The following EEF1G variants were observed in gnomAD, a reference collection of about 807,000 sequenced individuals.
EEF1G encodes eukaryotic translation elongation factor 1 gamma.
In EEF1G, 14 loss-of-function variants were observed where a neutral mutation model predicts 58.3. That is an observed-to-expected ratio of 0.24 (90% CI 0.16 to 0.38). EEF1G has a LOEUF of 0.38. EEF1G is among the 10% of genes least tolerant of loss of function. EEF1G has a pLI of 1.00. For synonymous variants in EEF1G, 180 were observed against 206.8 expected, an observed-to-expected ratio of 0.87 and a Z score of 1.11; for missense variants, 322 against 550.1, an observed-to-expected ratio of 0.59 and a Z score of 4.15.
At chr11:62,560,774 C>A (rs1430429512) in intron 7 of EEF1G, among the ~76,000 whole-genome samples, 1 of 152,132 alleles carries the variant, frequency 6.6e-6, no homozygotes, top group Non-Finnish European at 1.5e-5. Flanking sequence ...CAGGCCCTCC[C>A]CAGGCTGTTT....
intron 4 of EEF1G, 40 bp from the exon 5 acceptor site, chr11:62,571,148 A>G (rs778061216): frequency 6.2e-6 from 10 of 1,613,156 alleles, no homozygotes; most frequent in African/African-American, 1.3e-5. Flanking sequence ...GTGGGTACCA[A>G]TCCCTTTCCC....
At position 62,571,687 on chromosome 11, in the gene EEF1G, A is replaced by G. The variant is rs1189852226; in HGVS notation, c.236-5T>C. Reference sequence around the variant, plus strand: ...CCCGCAGCTCCTCATTGCTCACTGCAGAGGCAGAACACGAAGGTCAGAACT... The same window carrying G: ...CCCGCAGCTCCTCATTGCTCACTGCGGAGGCAGAACACGAAGGTCAGAACT... On this transcript the variant is annotated splice_region_variant and splice_polypyrimidine_tract_variant and intron_variant, in intron 3 of 9. Coordinates refer to ENST00000329251, the MANE Select transcript of EEF1G (RefSeq NM_001404.5). 1 of 1,585,624 alleles carries G rather than the reference A, an allele frequency of 6.3e-7. No homozygotes were observed. The highest frequency in any genetic ancestry group is 2.3e-5 in the East Asian group (1 of 43,260).
intron 5 of EEF1G, among the ~76,000 whole-genome samples, chr11:62,569,070 A>G (rs1412186441): frequency 6.6e-6 from 1 of 150,620 alleles, no homozygotes; most frequent in Non-Finnish European, 1.5e-5. Context: ...TATATTGGCC[A>G]TACTATACAC....
intron 5 of EEF1G, among the ~76,000 whole-genome samples, chr11:62,568,369 CAG>C (rs1202478519): frequency 1.8e-5 from 2 of 113,266 alleles, no homozygotes; most frequent in African/African-American, 7.1e-5. Flanking sequence ...GCTTGGGTGA[CAG>C]AGTGAGACTC....
chr11:62,565,853 C>A (rs529293193), intron 7 of EEF1G, among the ~76,000 whole-genome samples: 1 of 152,184 alleles, frequency 6.6e-6, no homozygotes, highest in African/African-American at 2.4e-5. Flanking sequence ...ATTCACAATT[C>A]TATGCACAGC....
At chr11:62,567,125 G>A (rs1941566362) in intron 6 of EEF1G, 115 bp from the exon 7 acceptor site, 1 of 1,181,732 alleles carries the variant, frequency 8.5e-7, no homozygotes, top group African/African-American at 1.5e-5. Flanking sequence ...GACAAGTAAG[G>A]AACTTAGGCC....
At chr11:62,568,212 A>ACT (rs1214653507) in intron 5 of EEF1G, among the ~76,000 whole-genome samples, 7 of 1,912 alleles carry the variant, frequency 3.7e-3, no homozygotes, top group Non-Finnish European at 0.023. Flanking sequence ...TGGGTGACAG[A>ACT]GTGACTCTGT....
At position 62,560,168 on chromosome 11, in the gene EEF1G, C is replaced by T; in HGVS notation, c.1056G>A (p.Leu352=). Reference sequence around the variant, plus strand: ...TGACACTGGCGAAGGCATTCTTCCTCAGCTTGTCCAGTCGCTGGAACATTC... The same window carrying T: ...TGACACTGGCGAAGGCATTCTTCCTTAGCTTGTCCAGTCGCTGGAACATTC... ...ITGMFQRLDK[L]RKNAFASVIL... The change falls in exon 9 of 10, where the codon CTG becomes CTA. Residue 352 remains leucine, a synonymous_variant. Coordinates refer to ENST00000329251, the MANE Select transcript of EEF1G (RefSeq NM_001404.5). The T allele has an allele frequency of 6.2e-7, 1 of 1,614,032 alleles. No homozygotes were observed. The highest frequency in any genetic ancestry group is 8.5e-7 in the Non-Finnish European group (1 of 1,179,902).
At chr11:62,564,643 TC>T (rs532074551) in intron 7 of EEF1G, among the ~76,000 whole-genome samples, 216 of 148,724 alleles carry the variant, frequency 1.5e-3, no homozygotes, top group African/African-American at 5.2e-3. Context: ...GTGCCTGTAG[TC>T]CCAGCTACTC....
At chr11:62,569,655 G>T (rs1941603168) in intron 5 of EEF1G, among the ~76,000 whole-genome samples, 1 of 152,036 alleles carries the variant, frequency 6.6e-6, no homozygotes, top group African/African-American at 2.4e-5. Flanking sequence ...GACCAGAAGA[G>T]GAAAAAAAAT....
intron 7 of EEF1G, among the ~76,000 whole-genome samples, chr11:62,563,690 A>G (rs1941524440): frequency 6.6e-6 from 1 of 152,232 alleles, no homozygotes; most frequent in Non-Finnish European, 1.5e-5. Flanking sequence ...TATTGCCATG[A>G]GTATTCCAAT....
intron 6 of EEF1G, 189 bp downstream of exon 6, chr11:62,567,210 C>A: frequency 1.1e-6 from 1 of 931,838 alleles, no homozygotes; most frequent in Non-Finnish European, 1.6e-6. Context: ...TATCGCAAAT[C>A]TATATAGTAA....
intron 1 of EEF1G, chr11:62,573,537 G>C: frequency 1.8e-6 from 1 of 551,450 alleles, no homozygotes; most frequent in Non-Finnish European, 3.3e-6. Flanking sequence ...AACCTGCCCA[G>C]ATACCACGCC....
rs1165610380 is a variant in EEF1G, at chr11:62,559,669, CAA to C, written c.*8_*9del. On this transcript the variant is annotated 3_prime_UTR_variant, in exon 10 of 10. Coordinates refer to ENST00000329251, the MANE Select transcript of EEF1G (RefSeq NM_001404.5). ...GCAGGTGCAGGCAGCTAGGTGATGGCAAGAGATGTTCACTTGAAGATCTTGCC... is the reference window on the plus strand; with the variant it reads ...GCAGGTGCAGGCAGCTAGGTGATGGCGAGATGTTCACTTGAAGATCTTGCC... The C allele has an allele frequency of 6.2e-7, 1 of 1,613,546 alleles. No homozygotes were observed. Among genetic ancestry groups the C allele is most frequent in the African/African-American group, 1.3e-5 (1 of 74,902 alleles).
At position 62,571,597 on chromosome 11, in the gene EEF1G, C is replaced by T. The variant is rs772776411; in HGVS notation, c.321G>A (p.Val107=). ...GGAACACCCAGGTACTGGCTGGGGG[C>T]ACTATATCGGAATCAGCAAAGCTCA... The part of the protein sequence containing the change: ...QWVSFADSDI[V]PPASTWVFPT... Residue 107 remains valine, a synonymous_variant, in exon 4 of 10, where the codon GTG becomes GTA. Coordinates refer to ENST00000329251, the MANE Select transcript of EEF1G (RefSeq NM_001404.5). 6.3e-7 allele frequency: 1 copy of T among 1,591,192 alleles called. No homozygotes were observed. The highest frequency in any genetic ancestry group is 1.1e-5 in the South Asian group (1 of 87,074).
intron 2 of EEF1G, 29 bp downstream of exon 2, chr11:62,572,555 C>T (rs1399771737): frequency 1.4e-5 from 23 of 1,611,040 alleles, no homozygotes; most frequent in East Asian, 2.2e-5. Flanking sequence ...TTCTCAGAAC[C>T]GAAGGATGCT....
At chr11:62,562,574 C>T (rs771448560) in intron 7 of EEF1G, among the ~76,000 whole-genome samples, 1 of 151,958 alleles carries the variant, frequency 6.6e-6, no homozygotes, top group Non-Finnish European at 1.5e-5. Flanking sequence ...CTCTACCTAC[C>T]GGGTTCAAGC....
intron 4 of EEF1G, 59 bp downstream of exon 4, chr11:62,571,481 A>C: frequency 2.0e-6 from 3 of 1,533,282 alleles, no homozygotes; most frequent in Non-Finnish European, 2.6e-6. Flanking sequence ...TCTTACTCCC[A>C]ACACCCAGGA....
At chr11:62,573,120 C>G (rs1378629569) in intron 1 of EEF1G, 9 of 164,264 alleles carry the variant, frequency 5.5e-5, no homozygotes, top group Non-Finnish European at 9.2e-5. Context: ...TGGTTCCGAG[C>G]GCCTGCCTAC....
Sources: allele counts gnomAD v4.1 joint callset (sites outside exome capture counted in the v4.1 genomes callset), GRCh38; gene constraint gnomAD v4.1.1; transcripts MANE v1.5; gene names NCBI Gene and HGNC (gene_info 2026-07-23, HGNC 2026-07-21).